The following PDZRN4 variants were observed in gnomAD, a reference collection of about 807,000 sequenced individuals.
The protein encoded by PDZRN4 is PDZ domain-containing RING finger protein 4.
Under a neutral mutation model 99.0 loss-of-function variants are expected in PDZRN4, and 70 were observed. The ratio of observed to expected loss-of-function variants is 0.71; its 90% CI spans 0.58 to 0.86. PDZRN4 has a LOEUF of 0.86. Ranked by LOEUF, PDZRN4 falls within the 40% of genes least tolerant of loss-of-function variation. PDZRN4 has a pLI of 0.00. For synonymous variants in PDZRN4, 551 were observed against 501.6 expected (o/e 1.10, Z -1.32); for missense variants, 1,474 against 1,331.2 (o/e 1.11, Z -1.67).
At position 41,466,706 on chromosome 12, in the gene PDZRN4, G is replaced by A. The variant is rs955066115; in HGVS notation, c.844-39750G>A. 3.8e-3 allele frequency among the ~76,000 whole-genome samples: 549 copies of A among 145,572 alleles called. 3 individuals carry two copies. The highest frequency in any genetic ancestry group is 0.013 in the African/African-American group (530 of 39,316). ...AGTAATTCATTTTGCACAAAAAGAA[G>A]AAAAAGAGAGCCTGGTGTTTTCACA... On this transcript the variant is annotated intron_variant, in intron 3 of 9. Transcript: ENST00000402685.
chr12:41,190,509 C>G (rs1457026267), intron 1 of PDZRN4, among the ~76,000 whole-genome samples: 6 of 152,160 alleles, frequency 3.9e-5, no homozygotes, highest in Admixed American at 6.5e-5. Flanking sequence ...ACAAGTCAAG[C>G]TATGATTCTG....
At chr12:41,227,543 T>TA (rs1348287640) in intron 3 of PDZRN4, among the ~76,000 whole-genome samples, 4 of 151,990 alleles carry the variant, frequency 2.6e-5, no homozygotes, top group Non-Finnish European at 5.9e-5. Flanking sequence ...CACATACCTG[T>TA]AGTCCCAGCT....
rs1950712458 is a variant in PDZRN4, at chr12:41,188,810, G to C, written c.355G>C (p.Ala119Pro). The part of the protein sequence containing the change: ...ARRLRSRGGC[A>P]SGLGGGEVPA... ...CCGGCTCCGCAGCCGCGGGGGCTGC[G>C]CTTCGGGGCTGGGCGGTGGTGAGGT... The change falls in exon 1 of 10, where the codon GCT becomes CCT. Residue 119 changes from alanine (A) to proline (P), a missense_variant. By Grantham distance (27) the Ala-to-Pro change is conservative. Coordinates refer to ENST00000402685, the MANE Select transcript of PDZRN4 (RefSeq NM_001164595.2). The C allele has an allele frequency of 7.4e-7, 1 of 1,343,834 alleles. No homozygotes were observed. Among genetic ancestry groups the C allele is most frequent in the Non-Finnish European group, 9.5e-7 (1 of 1,054,224 alleles). 83.2% of individuals were successfully genotyped at this position (1,343,834 alleles called of 1,614,324 possible).
intron 7 of PDZRN4, among the ~76,000 whole-genome samples, chr12:41,559,750 A>G (rs1450278523): frequency 1.3e-5 from 2 of 152,188 alleles, no homozygotes; most frequent in Non-Finnish European, 2.9e-5. Flanking sequence ...ATCTTGAATT[A>G]TAGTTCCCAT....
In PDZRN4 at chr12:41,506,817, C is replaced by T; in HGVS notation, c.1100+105C>T. ...ACTAGCAGGTTGACAGTTATGGAGA[C>T]AGGCTTCCCAGCTCCGTTTGGAAAA... On this transcript the variant is annotated intron_variant, in intron 4 of 9. Transcript: ENST00000402685. The T allele has an allele frequency of 2.4e-6, 3 of 1,254,214 alleles. No homozygotes were observed. The Admixed American group carries it at 6.9e-5, about 29-fold the overall frequency. The allele number at this position is 1,254,214 out of a possible 1,614,324, so 77.7% of individuals were successfully genotyped here. A position where few individuals can be genotyped will look rare whatever the true frequency, so the allele number is the denominator to read the frequency against.
At position 41,512,749 on chromosome 12, in the gene PDZRN4, C is replaced by T. The variant is rs1592092037; in HGVS notation, c.1203+2836C>T. The stretch of plus-strand genomic sequence containing the variant: ...GAGGGAGTGGGGTATTGGACCTGGG[C>T]GGTGATAGCGGGTGGAGTATGTATG... On this transcript the variant is annotated intron_variant, in intron 5 of 9. Transcript: ENST00000402685. Among the ~76,000 whole-genome samples the T allele has an allele frequency of 2.6e-5, 4 of 152,108 alleles. No individual in the cohort carries two copies. The South Asian group carries it at 6.2e-4, about 24-fold the overall frequency.
intron 3 of PDZRN4, among the ~76,000 whole-genome samples, chr12:41,231,912 C>T (rs951362377): frequency 2.0e-5 from 3 of 151,874 alleles, no homozygotes; most frequent in African/African-American, 7.2e-5. Flanking sequence ...TTTCAAACTA[C>T]CATGGCACTG....
chr12:41,194,245 A>C, intron 3 of PDZRN4, 57 bp downstream of exon 3: 1 of 851,786 alleles, frequency 1.2e-6, no homozygotes, highest in Non-Finnish European at 1.9e-6. Context: ...GGATATTTTA[A>C]GTTTTCAAAT....
At chr12:41,552,309 T>G (rs1939072056) in intron 5 of PDZRN4, among the ~76,000 whole-genome samples, 1 of 152,174 alleles carries the variant, frequency 6.6e-6, no homozygotes, top group Admixed American at 6.5e-5. Flanking sequence ...TGCCACTAAC[T>G]TTGACATTCT....
chr12:41,522,819 T>C (rs948217756), intron 5 of PDZRN4, among the ~76,000 whole-genome samples: 2 of 152,144 alleles, frequency 1.3e-5, no homozygotes, highest in Non-Finnish European at 2.9e-5. Flanking sequence ...AGATCAATCA[T>C]GTGAAAAGGA....
At chr12:41,563,376 T>C (rs1939306871) in intron 7 of PDZRN4, among the ~76,000 whole-genome samples, 172 bp from the exon 8 acceptor site, 1 of 152,178 alleles carries the variant, frequency 6.6e-6, no homozygotes, top group Non-Finnish European at 1.5e-5. Flanking sequence ...ATATGGCTCT[T>C]ACAGTAAGCG....
intron 3 of PDZRN4, among the ~76,000 whole-genome samples, chr12:41,299,145 G>A (rs1246028561): frequency 6.6e-6 from 1 of 151,862 alleles, no homozygotes; most frequent in Non-Finnish European, 1.5e-5. Context: ...AACATTCTAG[G>A]GCAAATAATT....
Position 41,573,524 on chromosome 12 carries a change from C to T in PDZRN4, c.2745C>T (p.Ala915=). The part of the protein sequence containing the change: ...PVRDRILKER[A]LKIKEERSGM... ...GAGACCGAATCCTGAAGGAACGTGCCTTAAAGATCAAGGAAGAGCGGAGTG... is the reference window on the plus strand; with the variant it reads ...GAGACCGAATCCTGAAGGAACGTGCTTTAAAGATCAAGGAAGAGCGGAGTG... Residue 915 remains alanine (A), a synonymous_variant, in exon 10 of 10, where the codon GCC becomes GCT. Transcript: ENST00000402685. 2.5e-6 allele frequency: 4 copies of T among 1,613,930 alleles called. No homozygotes were observed. Among genetic ancestry groups the T allele is most frequent in the Non-Finnish European group, 3.4e-6 (4 of 1,179,984 alleles).
chr12:41,289,715 T>TG (rs1447732375), intron 3 of PDZRN4, among the ~76,000 whole-genome samples: 1 of 152,222 alleles, frequency 6.6e-6, no homozygotes, highest in Non-Finnish European at 1.5e-5. Flanking sequence ...GTGGGTCCTC[T>TG]GAGCTGGCCC....
chr12:41,352,646 T>G (rs2121042426), intron 3 of PDZRN4, among the ~76,000 whole-genome samples: 1 of 152,260 alleles, frequency 6.6e-6, no homozygotes, highest in East Asian at 1.9e-4. Flanking sequence ...AACCCAATTT[T>G]TTTCTGCACT....
In PDZRN4 at chr12:41,428,792, T is replaced by C. The variant is rs112186287; in HGVS notation, c.844-77664T>C. Reference sequence around the variant, plus strand: ...CACCATTAGAAACTCCAGACGCTCATGAGCGAATGCAAGACCTGGCTGAGA... The same window carrying C: ...CACCATTAGAAACTCCAGACGCTCACGAGCGAATGCAAGACCTGGCTGAGA... On this transcript the variant is annotated intron_variant, in intron 3 of 9. Coordinates refer to ENST00000402685, the MANE Select transcript of PDZRN4 (RefSeq NM_001164595.2). 6.1e-3 allele frequency among the ~76,000 whole-genome samples: 934 copies of C among 152,294 alleles called. 13 individuals carry two copies. The highest frequency in any genetic ancestry group is 0.02 in the African/African-American group (838 of 41,562).
At position 41,476,689 on chromosome 12, in the gene PDZRN4, T is replaced by C. The variant is rs183719349; in HGVS notation, c.844-29767T>C. On this transcript the variant is annotated intron_variant, in intron 3 of 9. Transcript: ENST00000402685. Reference sequence around the variant, plus strand: ...TTCACTCTTTCAGAAAGGTGACACATTGTTGACAGCTCTGATAGTGAAAGG... The same window carrying C: ...TTCACTCTTTCAGAAAGGTGACACACTGTTGACAGCTCTGATAGTGAAAGG... 1.0e-3 allele frequency among the ~76,000 whole-genome samples: 159 copies of C among 152,324 alleles called. 1 individual carries two copies. The highest frequency in any genetic ancestry group is 1.7e-3 in the Non-Finnish European group (114 of 68,016).
At chr12:41,506,400 ATGACAGCCTCTC>A (rs1938205585) in intron 3 of PDZRN4, 44 bp from the exon 4 acceptor site, 1 of 1,504,664 alleles carries the variant, frequency 6.6e-7, no homozygotes, top group South Asian at 1.3e-5. Flanking sequence ...TTAATCTATC[ATGACAGCCTCTC>A]TGATCTTTCC....
intron 3 of PDZRN4, among the ~76,000 whole-genome samples, chr12:41,470,074 T>G (rs1952971723): frequency 6.6e-6 from 1 of 152,204 alleles, no homozygotes; most frequent in Admixed American, 6.5e-5. Context: ...TGTATGGCAT[T>G]CATTTATTTT....
Sources: gnomAD v4.1 joint callset for allele counts (sites outside exome capture counted in the v4.1 genomes callset) on GRCh38, gnomAD v4.1.1 for gene constraint, MANE v1.5 for transcripts, NCBI Gene and HGNC (gene_info 2026-07-23, HGNC 2026-07-21) for gene names.